RIMS1: variants seen among roughly 807,000 people sequenced by gnomAD.
RIMS1 encodes regulating synaptic membrane exocytosis protein 1.
RIMS1 carries 83 observed loss-of-function variants against 214.1 expected under a neutral mutation model. The ratio of observed to expected loss-of-function variants is 0.39; its 90% CI spans 0.32 to 0.47. The LOEUF (loss-of-function observed/expected upper bound fraction) is 0.47, where lower values mean the gene tolerates loss of function less well. Among genes scored for constraint, RIMS1 ranks in the 20% least tolerant of loss-of-function variants. The pLI is 0.99. For synonymous variants in RIMS1, 793 were observed against 786.8 expected, an observed-to-expected ratio of 1.01 and a Z score of -0.13; for missense variants, 2,050 against 2,161.8, an observed-to-expected ratio of 0.95 and a Z score of 1.03.
chr6:72,262,000 A>G, intron 19 of RIMS1: 1 of 984,936 alleles, frequency 1.0e-6, no homozygotes, highest in Non-Finnish European at 1.2e-6. Context: ...ACTAATTCTG[A>G]AAGTTTTCTC....
intron 4 of RIMS1, among the ~76,000 whole-genome samples, chr6:72,121,195 C>G (rs1251039158): frequency 6.6e-6 from 1 of 151,840 alleles, no homozygotes; most frequent in Non-Finnish European, 1.5e-5. Flanking sequence ...TGAAGAAAAT[C>G]ATTGGTAGCT....
chr6:72,205,572 C>T (rs772689389), intron 6 of RIMS1, among the ~76,000 whole-genome samples: 2 of 152,100 alleles, frequency 1.3e-5, no homozygotes, highest in African/African-American at 2.4e-5. Flanking sequence ...TCAACCAAGC[C>T]TGGTGTTTGG....
At chr6:72,327,754 T>C (rs1052934298) in intron 28 of RIMS1, among the ~76,000 whole-genome samples, 21 of 151,860 alleles carry the variant, frequency 1.4e-4, no homozygotes, top group African/African-American at 5.1e-4. Flanking sequence ...AACCTGCTGT[T>C]AAGCCAAAAT....
chr6:72,196,411 CTAT>C (rs2050929978), intron 6 of RIMS1, among the ~76,000 whole-genome samples: 2 of 151,336 alleles, frequency 1.3e-5, no homozygotes, highest in Non-Finnish European at 1.5e-5. Flanking sequence ...ATCTATCTAT[CTAT>C]CTATCTAACT....
chr6:72,106,025 A>G (rs2034665220), intron 4 of RIMS1, among the ~76,000 whole-genome samples: 3 of 152,228 alleles, frequency 2.0e-5, no homozygotes, highest in African/African-American at 4.8e-5. Context: ...TAACCATAAC[A>G]TGAAATTAGA....
At chr6:72,342,042 C>A (rs2154357000) in intron 29 of RIMS1, among the ~76,000 whole-genome samples, 1 of 151,860 alleles carries the variant, frequency 6.6e-6, no homozygotes, top group Middle Eastern at 3.4e-3. Flanking sequence ...GTATTCTGTA[C>A]CTTTCCAATA....
intron 1 of RIMS1, among the ~76,000 whole-genome samples, chr6:71,936,122 G>A (rs1290751554): frequency 6.6e-6 from 1 of 151,638 alleles, no homozygotes; most frequent in Non-Finnish European, 1.5e-5. Context: ...AAGCCGAGGC[G>A]GGCGGATCAC....
chr6:72,359,311 G>A (rs1449540914), intron 29 of RIMS1, among the ~76,000 whole-genome samples: 3 of 152,162 alleles, frequency 2.0e-5, no homozygotes, highest in Non-Finnish European at 4.4e-5. Context: ...CCACTGGGGA[G>A]ATTAGATAAA....
intron 2 of RIMS1, among the ~76,000 whole-genome samples, chr6:71,997,361 G>T (rs1206759762): frequency 6.6e-6 from 1 of 151,978 alleles, no homozygotes; most frequent in East Asian, 1.9e-4. Context: ...AAAATTCCTG[G>T]TTATAGAAAG....
intron 4 of RIMS1, among the ~76,000 whole-genome samples, chr6:72,167,636 G>A (rs1478532607): frequency 6.6e-6 from 1 of 151,964 alleles, no homozygotes; most frequent in Non-Finnish European, 1.5e-5. Flanking sequence ...GGACTATTCG[G>A]GTTTTCAGTT....
chr6:72,231,223 A>G (rs1027916326), intron 6 of RIMS1, among the ~76,000 whole-genome samples: 1 of 151,702 alleles, frequency 6.6e-6, no homozygotes, highest in African/African-American at 2.4e-5. Context: ...AATATCTTTC[A>G]AACAGTAATT....
chr6:71,915,292 C>T (rs538992899), intron 1 of RIMS1, among the ~76,000 whole-genome samples: 1 of 152,192 alleles, frequency 6.6e-6, no homozygotes, highest in African/African-American at 2.4e-5. Flanking sequence ...ATATACTTTT[C>T]ACTTTTATCT....
At chr6:72,380,301 A>G (rs1052988915) in intron 29 of RIMS1, among the ~76,000 whole-genome samples, 1 of 152,202 alleles carries the variant, frequency 6.6e-6, no homozygotes, top group Non-Finnish European at 1.5e-5. Flanking sequence ...AATGTAAATG[A>G]TGAGTTAATG....
At chr6:71,957,744 G>A (rs1365645477) in intron 1 of RIMS1, among the ~76,000 whole-genome samples, 1 of 150,352 alleles carries the variant, frequency 6.7e-6, no homozygotes, top group Non-Finnish European at 1.5e-5. Flanking sequence ...CATATTAAAA[G>A]TATAATAAAC....
At chr6:72,389,757 A>T (rs1332932173) in intron 29 of RIMS1, among the ~76,000 whole-genome samples, 1 of 152,238 alleles carries the variant, frequency 6.6e-6, no homozygotes, top group Non-Finnish European at 1.5e-5. Flanking sequence ...TTCCTAACCT[A>T]TTGATACTGC....
At chr6:72,004,111 C>G (rs1806436695) in intron 2 of RIMS1, among the ~76,000 whole-genome samples, 1 of 147,538 alleles carries the variant, frequency 6.8e-6, no homozygotes, top group Non-Finnish European at 1.5e-5. Context: ...TGAGTGAGAA[C>G]ATGAGGTGTT....
chr6:72,326,326 CT>C (rs1262600403), intron 28 of RIMS1, among the ~76,000 whole-genome samples: 1 of 151,726 alleles, frequency 6.6e-6, no homozygotes, highest in East Asian at 1.9e-4. Context: ...TTTTTATCCT[CT>C]TCCAAAACGT....
intron 29 of RIMS1, among the ~76,000 whole-genome samples, chr6:72,375,156 C>T (rs371906735): frequency 9.2e-5 from 14 of 152,162 alleles, no homozygotes; most frequent in Admixed American, 2.6e-4. Context: ...AGGTTGGGGA[C>T]CCCTGCTTTA....
intron 2 of RIMS1, among the ~76,000 whole-genome samples, chr6:72,026,148 G>A (rs77147693): frequency 1.3e-3 from 196 of 152,252 alleles, no homozygotes; most frequent in African/African-American, 4.3e-3. Flanking sequence ...TACAGGTGTG[G>A]ATTTTCAGTG....
Sources: allele counts gnomAD v4.1 joint callset (sites outside exome capture counted in the v4.1 genomes callset), GRCh38; gene constraint gnomAD v4.1.1; transcripts MANE v1.5; gene names NCBI Gene and HGNC (gene_info 2026-07-23, HGNC 2026-07-21).